TEX19: variants seen among roughly 807,000 people sequenced by gnomAD.
TEX19 encodes the protein testis expressed 19.
For synonymous variants in TEX19, 77 were observed against 73.9 expected, an observed-to-expected ratio of 1.04 and a Z score of -0.21; for missense variants, 184 against 194.4, an observed-to-expected ratio of 0.95 and a Z score of 0.32.
Position 82,362,678 on chromosome 17 carries a change from G to A in TEX19, c.*33G>A. 6.6e-7 allele frequency: 1 copy of A among 1,520,568 alleles called. No individual in the cohort carries two copies. The highest frequency in any genetic ancestry group is 8.8e-7 in the Non-Finnish European group (1 of 1,137,774). 94.2% of individuals were successfully genotyped at this position (1,520,568 alleles called of 1,614,324 possible). On this transcript the variant is annotated 3_prime_UTR_variant, in exon 2 of 2. Coordinates refer to ENST00000333437, the MANE Select transcript of TEX19 (RefSeq NM_207459.4). This position sits in a 1 kb window ranked among gnomAD's most constrained non-coding sequence, Gnocchi z 5.5. ...TTCTCAAAGTGGACCTGCCCCCAGG[G>A]GAGCCCGTGGTGTTGAAGCTGGGCA...
chr17:82,362,708 C>A lies in TEX19; in HGVS notation c.*63C>A. On this transcript the variant is annotated 3_prime_UTR_variant, in exon 2 of 2. Transcript: ENST00000333437. This position sits in a 1 kb window ranked among gnomAD's most constrained non-coding sequence, Gnocchi z 5.5. ...CCGTGGTGTTGAAGCTGGGCATTAC[C>A]TGGGCAGTGGACCCTGCCGAGGCTG... is the stretch of plus-strand genomic sequence containing the variant. 1 of 1,512,574 alleles carries A rather than the reference C, an allele frequency of 6.6e-7. No individual in the cohort carries two copies. Among genetic ancestry groups the A allele is most frequent in the Non-Finnish European group, 8.8e-7 (1 of 1,133,006 alleles). The allele number at this position is 1,512,574 out of a possible 1,614,324, so 93.7% of individuals were successfully genotyped here.
chr17:82,362,339 G>C lies in TEX19; in HGVS notation c.189G>C (p.Leu63=). The C allele has an allele frequency of 6.2e-7, 1 of 1,613,836 alleles. No individual in the cohort carries two copies. The change falls in exon 2 of 2, where the codon CTG becomes CTC. Residue 63 remains leucine (L), a synonymous_variant. Transcript: ENST00000333437. This position sits in a 1 kb window ranked among gnomAD's most constrained non-coding sequence, Gnocchi z 5.5. The part of the protein sequence containing the change: ...DWEEDNWDPE[L]MEHTEAESEQ... The stretch of plus-strand genomic sequence containing the variant: ...AAGAAGACAACTGGGACCCTGAGCT[G>C]ATGGAGCACACTGAGGCAGAGTCAG...
At position 82,362,548 on chromosome 17, in the gene TEX19, G is replaced by A. The variant is rs1449938959; in HGVS notation, c.398G>A (p.Gly133Asp). The stretch of plus-strand genomic sequence containing the variant: ...TGGCCTCAGGAGGCTGTGCCCCTGG[G>A]CCTGGGCCTTGAGGATGCTGACTGG... ...ELWPQEAVPL[G>D]LGLEDADWTQ... Residue 133 changes from glycine to aspartate, a missense_variant, in exon 2 of 2, where the codon GGC becomes GAC. Coordinates refer to ENST00000333437, the MANE Select transcript of TEX19 (RefSeq NM_207459.4). The surrounding 1 kb of genome is among the most constrained non-coding windows in gnomAD (Gnocchi z 5.5). 6.2e-7 allele frequency: 1 copy of A among 1,612,392 alleles called. No individual in the cohort carries two copies. The highest frequency in any genetic ancestry group is 1.7e-5 in the Admixed American group (1 of 59,924).
At position 82,362,508 on chromosome 17, in the gene TEX19, GT is replaced by G; in HGVS notation, c.359del (p.Val120AlafsTer62). The G allele has an allele frequency of 6.2e-7, 1 of 1,612,956 alleles. No homozygotes were observed. The highest frequency in any genetic ancestry group is 8.5e-7 in the Non-Finnish European group (1 of 1,179,970). ...LEDAGLDPHF[V>X]PTELWPQEAV... ...AGATGCAGGTCTGGACCCCCACTTT[GT>G]CCCCACTGAACTATGGCCTCAGGAG... On this transcript the variant is annotated frameshift_variant, in exon 2 of 2. Coordinates refer to ENST00000333437, the MANE Select transcript of TEX19 (RefSeq NM_207459.4). LOFTEE classifies it low-confidence loss of function (END_TRUNC). The surrounding 1 kb of genome is among the most constrained non-coding windows in gnomAD (Gnocchi z 5.5).
chr17:82,362,556 C>T lies in TEX19; in HGVS notation c.406C>T (p.Leu136Phe), dbSNP rs183087726. 1 of 1,611,516 alleles carries T rather than the reference C, an allele frequency of 6.2e-7. No individual in the cohort carries two copies. The highest frequency in any genetic ancestry group is 2.2e-5 in the East Asian group (1 of 44,884). Residue 136 changes from leucine to phenylalanine, a missense_variant, in exon 2 of 2, where the codon CTT becomes TTT. By Grantham distance (22) the Leu-to-Phe change is conservative. Coordinates refer to ENST00000333437, the MANE Select transcript of TEX19 (RefSeq NM_207459.4). This position sits in a 1 kb window ranked among gnomAD's most constrained non-coding sequence, Gnocchi z 5.5. ...GGAGGCTGTGCCCCTGGGCCTGGGCCTTGAGGATGCTGACTGGACCCAGGG... is the reference window on the plus strand; with the variant it reads ...GGAGGCTGTGCCCCTGGGCCTGGGCTTTGAGGATGCTGACTGGACCCAGGG... ...PQEAVPLGLG[L>F]EDADWTQGLP...
At position 82,360,358 on chromosome 17, in the gene TEX19, TCAGTTTCCCC is replaced by T. The variant is rs200310266; in HGVS notation, c.-272+1083_-272+1092del. 5.7e-3 allele frequency among the ~76,000 whole-genome samples: 291 copies of T among 51,078 alleles called. 2 individuals are homozygous for T. The highest frequency in any genetic ancestry group is 8.9e-3 in the African/African-American group (91 of 10,176). 33.5% of individuals were successfully genotyped at this position (51,078 alleles called of 152,430 possible). ...TTCCCTCAGGTTCCCCCAGTTTCCCTCAGTTTCCCCCAGTTTCCCTCAAGTTTCCCTCAGG... is the reference window on the plus strand; with the variant it reads ...TTCCCTCAGGTTCCCCCAGTTTCCCTCAGTTTCCCTCAAGTTTCCCTCAGG... On this transcript the variant is annotated intron_variant, in intron 1 of 1. Coordinates refer to ENST00000333437, the MANE Select transcript of TEX19 (RefSeq NM_207459.4).
chr17:82,360,945 TCAG>T (rs2052384682), intron 1 of TEX19, among the ~76,000 whole-genome samples: 4 of 87,950 alleles, frequency 4.5e-5, no homozygotes, highest in African/African-American at 4.8e-5. Context: ...TCAGGTTCCC[TCAG>T]TTTCCCTCAG....
In TEX19 at chr17:82,362,484, G is replaced by A; in HGVS notation, c.334G>A (p.Asp112Asn). Residue 112 changes from aspartate (D) to asparagine (N), a missense_variant, in exon 2 of 2, where the codon GAT becomes AAT. Coordinates refer to ENST00000333437, the MANE Select transcript of TEX19 (RefSeq NM_207459.4). This position sits in a 1 kb window ranked among gnomAD's most constrained non-coding sequence, Gnocchi z 5.5. ...GGCAGCAGCCCCAGAAGGGTTGGAA[G>A]ATGCAGGTCTGGACCCCCACTTTGT... The part of the protein sequence containing the change: ...TLAAAPEGLE[D>N]AGLDPHFVPT... 6.2e-7 allele frequency: 1 copy of A among 1,612,908 alleles called. No homozygotes were observed. Among genetic ancestry groups the A allele is most frequent in the South Asian group, 1.1e-5 (1 of 91,082 alleles).
chr17:82,360,200 G>A (rs1277953608), intron 1 of TEX19, among the ~76,000 whole-genome samples: 2 of 49,940 alleles, frequency 4.0e-5, no homozygotes, highest in Admixed American at 2.2e-4. Flanking sequence ...GTTTCCCCCA[G>A]GTTCCCCCAG....
Position 82,363,309 on chromosome 17 carries a change from T to C in TEX19, c.*664T>C, listed in dbSNP as rs2052410915. On this transcript the variant is annotated 3_prime_UTR_variant, in exon 2 of 2. Coordinates refer to ENST00000333437, the MANE Select transcript of TEX19 (RefSeq NM_207459.4). ...TGTTCCACAACAGCCAGGGGAGCAG[T>C]TGGCAAAGGAAACATGGGGAGCAAC... The C allele has an allele frequency of 6.0e-6, 1 of 167,000 alleles. No homozygotes were observed. The highest frequency in any genetic ancestry group is 2.1e-4 in the South Asian group (1 of 4,828). The allele number at this position is 167,000 out of a possible 1,614,324, so 10.3% of individuals were successfully genotyped here.
rs181773981 is a variant in TEX19 at position 82,359,440 on chromosome 17, T to C, written c.-272+155T>C. 2.9e-5 allele frequency among the ~76,000 whole-genome samples: 4 copies of C among 137,948 alleles called. No homozygotes were observed. In the East Asian group the frequency reaches 7.8e-4, roughly 27 times the overall value. 90.5% of individuals were successfully genotyped at this position (137,948 alleles called of 152,430 possible). ...CAGTTTCCCTCAGGTTCCCTAAGGT[T>C]CTCCAAGTTCCCTCAAATTTCCCTC... On this transcript the variant is annotated intron_variant, in intron 1 of 1. Transcript: ENST00000333437.
chr17:82,361,029 GTTCCCTCAGTTTCCCCCAGT>G (rs2052386419), intron 1 of TEX19, among the ~76,000 whole-genome samples: 5 of 64,426 alleles, frequency 7.8e-5, no homozygotes, highest in Admixed American at 2.2e-4. Flanking sequence ...TTTCCCTCAG[GTTCCCTCAGTTTCCCCCAGT>G]TTCCCTCAGG....
In TEX19 at chr17:82,362,022, T is replaced by A; in HGVS notation, c.-129T>A. ...TGGATAGGAAACCCCTTTCTCCTCCTGCTCCTTGTCCCCTTCATCCCTGCC... is the reference window on the plus strand; with the variant it reads ...TGGATAGGAAACCCCTTTCTCCTCCAGCTCCTTGTCCCCTTCATCCCTGCC... On this transcript the variant is annotated 5_prime_UTR_variant, in exon 2 of 2. Transcript: ENST00000333437. This position sits in a 1 kb window ranked among gnomAD's most constrained non-coding sequence, Gnocchi z 5.5. The A allele has an allele frequency of 7.8e-7, 1 of 1,280,280 alleles. No individual in the cohort carries two copies. The highest frequency in any genetic ancestry group is 2.3e-5 in the East Asian group (1 of 43,008). 79.3% of individuals were successfully genotyped at this position (1,280,280 alleles called of 1,614,324 possible).
At chr17:82,361,247 A>C (rs1360323091) in intron 1 of TEX19, among the ~76,000 whole-genome samples, 17 of 17,424 alleles carry the variant, frequency 9.8e-4, no homozygotes, top group Non-Finnish European at 1.2e-3. Context: ...AGTTTCCCTC[A>C]AGTTTCCCTC....
intron 1 of TEX19, 34 bp from the exon 2 acceptor site, chr17:82,361,846 G>T: frequency 1.0e-6 from 1 of 977,196 alleles, no homozygotes; most frequent in Non-Finnish European, 1.3e-6. Flanking sequence ...CTGCCTGCTG[G>T]GGGTGCCTAA....
Position 82,362,577 on chromosome 17 carries a change from C to T in TEX19, c.427C>T (p.Gln143Ter), listed in dbSNP as rs1319763517. The change falls in exon 2 of 2, where the codon CAG becomes TAG. Residue 143 changes from glutamine to a stop codon, truncating the protein, a stop_gained. Coordinates refer to ENST00000333437, the MANE Select transcript of TEX19 (RefSeq NM_207459.4). LOFTEE classifies it low-confidence loss of function (END_TRUNC). The surrounding 1 kb of genome is among the most constrained non-coding windows in gnomAD (Gnocchi z 5.5). ...GGGCCTTGAGGATGCTGACTGGACC[C>T]AGGGTCTTCCCTGGAGATTTGAGGA... ...GLGLEDADWT[Q>*]GLPWRFEELL... 1.9e-6 allele frequency: 3 copies of T among 1,603,252 alleles called. No individual in the cohort carries two copies. Among genetic ancestry groups the T allele is most frequent in the Non-Finnish European group, 2.5e-6 (3 of 1,176,742 alleles).
At chr17:82,361,244 CT>C (rs1398504566) in intron 1 of TEX19, among the ~76,000 whole-genome samples, 13 of 52,700 alleles carry the variant, frequency 2.5e-4, no homozygotes, top group Non-Finnish European at 3.9e-4. Context: ...CCCAGTTTCC[CT>C]CAAGTTTCCC....
intron 1 of TEX19, among the ~76,000 whole-genome samples, chr17:82,360,186 C>CT (rs1189941639): frequency 2.8e-4 from 18 of 64,704 alleles, no homozygotes; most frequent in South Asian, 8.7e-4. Context: ...CTCAGGTTCC[C>CT]CCAGTTTCCC....
chr17:82,359,772 AGG>A (rs2052364342), intron 1 of TEX19, among the ~76,000 whole-genome samples: 2 of 110,832 alleles, frequency 1.8e-5, no homozygotes, highest in Admixed American at 1.9e-4. Context: ...AGCTTCCCTC[AGG>A]TTCCCTCAGT....
Sources: gnomAD v4.1 joint callset for allele counts (sites outside exome capture counted in the v4.1 genomes callset) on GRCh38, gnomAD v4.1.1 for gene constraint, Gnocchi (gnomAD v3.1) non-coding constraint, MANE v1.5 for transcripts, NCBI Gene and HGNC (gene_info 2026-07-23, HGNC 2026-07-21) for gene names.